The following EML5 variants were observed in gnomAD, a reference collection of about 807,000 sequenced individuals.
EML5 encodes echinoderm microtubule-associated protein-like 5.
Under a neutral mutation model 250.0 loss-of-function variants are expected in EML5, and 120 were observed. The observed-to-expected ratio is 0.48, with a 90% CI of 0.41 to 0.56. The LOEUF is 0.56. Among genes scored for constraint, EML5 ranks in the 20% least tolerant of loss-of-function variants. EML5 has a pLI of 0.00. For synonymous variants in EML5, 771 were observed against 806.5 expected (o/e 0.96, Z 0.75); for missense variants, 2,006 against 2,437.6 (o/e 0.82, Z 3.73).
At chr14:88,734,367 A>G (rs2093807443) in intron 7 of EML5, among the ~76,000 whole-genome samples, 1 of 152,172 alleles carries the variant, frequency 6.6e-6, no homozygotes, top group African/African-American at 2.4e-5. Flanking sequence ...AATTCTTATT[A>G]AAATGATAGA....
At chr14:88,675,643 G>T (rs2092578041) in intron 21 of EML5, among the ~76,000 whole-genome samples, 1 of 152,146 alleles carries the variant, frequency 6.6e-6, no homozygotes, top group South Asian at 2.1e-4. Flanking sequence ...TTAACATTCA[G>T]CTCCTCATTA....
intron 32 of EML5, 95 bp downstream of exon 32, chr14:88,638,714 A>T: frequency 9.6e-7 from 1 of 1,044,044 alleles, no homozygotes; most frequent in Non-Finnish European, 1.4e-6. Context: ...AACAATCGAT[A>T]AATCAATAAA....
At chr14:88,633,875 C>T (rs934551877) in intron 33 of EML5, among the ~76,000 whole-genome samples, 5 of 152,032 alleles carry the variant, frequency 3.3e-5, no homozygotes, top group African/African-American at 1.2e-4. Flanking sequence ...CCTTCCAAAG[C>T]ACTGGGATTA....
chr14:88,744,410 GGTGCTT>G (rs2093975111), intron 3 of EML5, among the ~76,000 whole-genome samples: 1 of 152,074 alleles, frequency 6.6e-6, no homozygotes, highest in South Asian at 2.1e-4. Flanking sequence ...CACGAAGGGA[GGTGCTT>G]GCATAATTTC....
chr14:88,759,262 G>C (rs561833163), intron 1 of EML5, among the ~76,000 whole-genome samples: 1 of 152,132 alleles, frequency 6.6e-6, no homozygotes, highest in African/African-American at 2.4e-5. Flanking sequence ...GACAGACATG[G>C]GTTCAAAATT....
chr14:88,779,589 T>C (rs1002358039), intron 1 of EML5, among the ~76,000 whole-genome samples: 1 of 152,210 alleles, frequency 6.6e-6, no homozygotes, highest in African/African-American at 2.4e-5. Context: ...AATTGTCCCA[T>C]GTAGAAGTCA....
At chr14:88,748,347 G>C (rs1393932529) in intron 2 of EML5, among the ~76,000 whole-genome samples, 1 of 152,162 alleles carries the variant, frequency 6.6e-6, no homozygotes, top group African/African-American at 2.4e-5. Context: ...TCAATAACCA[G>C]AATGAAGATA....
intron 7 of EML5, among the ~76,000 whole-genome samples, chr14:88,729,139 T>A (rs551478513): frequency 1.3e-5 from 2 of 152,270 alleles, no homozygotes; most frequent in East Asian, 3.9e-4. Context: ...TCCTTTCCAA[T>A]CTGTGTGTGT....
rs368799219 is a variant in EML5, at chr14:88,621,123, A to G, written c.5192T>C (p.Ile1731Thr). The G allele has an allele frequency of 1.4e-5, 22 of 1,613,602 alleles. No individual in the cohort carries two copies. The South Asian group carries it at 1.8e-4, about 13-fold the overall frequency. Residue 1731 changes from isoleucine (I) to threonine (T), a missense_variant, in exon 38 of 44, where the codon ATT becomes ACT. By Grantham distance (89) the Ile-to-Thr change is moderately conservative. Around this residue, in one of 7 missense-constraint regions of EML5, gnomAD observed 405 missense variants for 523.3 expected, o/e 0.77. Transcript: ENST00000554922. ...AEDGTVRLWD[I>T]ADKKMLNKVN... ...ATTATCTGTACTTACTTTATCAGCA[A>G]TATCCCAAAGTCTCACTGTCCCATC...
intron 7 of EML5, among the ~76,000 whole-genome samples, chr14:88,731,302 G>A (rs2093753833): frequency 1.9e-5 from 2 of 105,096 alleles, no homozygotes; most frequent in African/African-American, 5.2e-5. Context: ...TCCCACCTAT[G>A]AGTGAGAACA....
chr14:88,670,108 G>A (rs12882276), intron 21 of EML5, among the ~76,000 whole-genome samples: 60,698 of 151,190 alleles, frequency 0.4, 14,660 homozygotes, highest in African/African-American at 0.66. Flanking sequence ...TGTGGTCAGG[G>A]GTTCAAGACC....
Position 88,615,572 on chromosome 14 carries a change from TTACCA to T in EML5, c.*241_*245del. 2.3e-6 allele frequency: 1 copy of T among 437,042 alleles called. No individual in the cohort carries two copies. The highest frequency in any genetic ancestry group is 4.0e-6 in the Non-Finnish European group (1 of 248,514). 27.1% of individuals were successfully genotyped at this position (437,042 alleles called of 1,614,324 possible). Reference sequence around the variant, plus strand: ...TTCCCAATACAGGGGGACTTGGCCTTTACCATCAAGTATTCGATCCTTCCTTGAAA... The same window carrying T: ...TTCCCAATACAGGGGGACTTGGCCTTTCAAGTATTCGATCCTTCCTTGAAA... On this transcript the variant is annotated 3_prime_UTR_variant, in exon 44 of 44. Transcript: ENST00000554922.
At chr14:88,715,787 C>T (rs573840265) in intron 8 of EML5, among the ~76,000 whole-genome samples, 27 of 152,008 alleles carry the variant, frequency 1.8e-4, no homozygotes, top group African/African-American at 5.3e-4. Context: ...CTCAGCCTCC[C>T]GAGTAGCTGG....
At position 88,620,863 on chromosome 14, in the gene EML5, C is replaced by G. The variant is rs755875584; in HGVS notation, c.5266G>C (p.Asp1756His). 7 of 1,586,332 alleles carry G rather than the reference C, an allele frequency of 4.4e-6. No homozygotes were observed. The South Asian group carries it at 8.0e-5, about 18-fold the overall frequency. ...ARTVCYSPEG[D>H]MVAIGMKNGE... ...TTTTTCATTCCAATAGCCACCATGT[C>G]CCCTTCAGGGCTGTAACACACAGTA... The change falls in exon 39 of 44, where the codon GAC becomes CAC. Residue 1756 changes from aspartate (D) to histidine (H), a missense_variant. Coordinates refer to ENST00000554922, the MANE Select transcript of EML5 (RefSeq NM_183387.3). The surrounding 1 kb of genome is among the most constrained non-coding windows in gnomAD (Gnocchi z 4.3).
chr14:88,621,568 CAA>C, intron 37 of EML5: 1 of 476,138 alleles, frequency 2.1e-6, no homozygotes, highest in South Asian at 3.0e-5. Context: ...CTTCAATAAT[CAA>C]AGTTTTTATT....
rs1248828341 is a variant in EML5 at position 88,615,562 on chromosome 14, G to T, written c.*256C>A. ...AATCACACACTTCCCAATACAGGGG[G>T]ACTTGGCCTTTACCATCAAGTATTC... On this transcript the variant is annotated 3_prime_UTR_variant, in exon 44 of 44. Transcript: ENST00000554922. The T allele has an allele frequency of 4.7e-6, 2 of 421,422 alleles. No individual in the cohort carries two copies. Among genetic ancestry groups the T allele is most frequent in the African/African-American group, 2.0e-5 (1 of 48,822 alleles). 26.1% of individuals were successfully genotyped at this position (421,422 alleles called of 1,614,324 possible). A position where few individuals can be genotyped will look rare whatever the true frequency, so the allele number is the denominator to read the frequency against.
At chr14:88,739,166 G>C (rs1263266598) in intron 5 of EML5, among the ~76,000 whole-genome samples, 152 bp from the exon 6 acceptor site, 2 of 152,150 alleles carry the variant, frequency 1.3e-5, no homozygotes, top group African/African-American at 2.4e-5. Context: ...AAATCTAGAA[G>C]TAAGTCCATA....
At chr14:88,780,281 G>T (rs2094484687) in intron 1 of EML5, among the ~76,000 whole-genome samples, 1 of 152,056 alleles carries the variant, frequency 6.6e-6, no homozygotes, top group Non-Finnish European at 1.5e-5. Context: ...GAATGCAGAG[G>T]TATTGACTGT....
intron 1 of EML5, among the ~76,000 whole-genome samples, chr14:88,759,695 A>AAAAAAAAAAAAAAAAC: frequency 6.6e-6 from 1 of 150,654 alleles, no homozygotes; most frequent in South Asian, 2.1e-4. Flanking sequence ...TAAAAAAAAA[A>AAAAAAAAAAAAAAAAC]AAAAAAAAAC....
Sources: allele counts gnomAD v4.1 joint callset (sites outside exome capture counted in the v4.1 genomes callset), GRCh38; gene constraint gnomAD v4.1.1; regional missense constraint gnomAD v4.1.1; non-coding constraint Gnocchi (gnomAD v3.1); transcripts MANE v1.5; gene names NCBI Gene and HGNC (gene_info 2026-07-23, HGNC 2026-07-21).